Variants in FANK1 observed in about 807,000 individuals in gnomAD.
The protein encoded by FANK1 is fibronectin type 3 and ankyrin repeat domains protein 1.
FANK1 carries 44 observed loss-of-function variants against 45.3 expected under a neutral mutation model. That is an observed-to-expected ratio of 0.97 (90% CI 0.76 to 1.25). The LOEUF is 1.25. Ranked by LOEUF, FANK1 falls within the 50% of genes most tolerant of loss-of-function variation. The pLI is 0.00. For synonymous variants in FANK1, 149 were observed against 152.5 expected (o/e 0.98, Z 0.17); for missense variants, 391 against 424.4 (o/e 0.92, Z 0.69).
At chr10:125,934,996 C>A (rs1164966369) in intron 1 of FANK1, among the ~76,000 whole-genome samples, 1 of 152,036 alleles carries the variant, frequency 6.6e-6, no homozygotes, top group African/African-American at 2.4e-5. Context: ...TGCTGCAGTT[C>A]AGCAGGGTGG....
intron 1 of FANK1, among the ~76,000 whole-genome samples, chr10:125,910,861 C>T (rs185250425): frequency 6.3e-4 from 96 of 152,114 alleles, no homozygotes; most frequent in African/African-American, 2.1e-3. Context: ...AGTGAAACCC[C>T]GTCTCTACTA....
At chr10:125,924,721 C>T (rs1947215367) in intron 1 of FANK1, among the ~76,000 whole-genome samples, 1 of 149,166 alleles carries the variant, frequency 6.7e-6, no homozygotes, top group Non-Finnish European at 1.5e-5. Context: ...AGGTGGGAGG[C>T]TCACTTGAGC....
chr10:125,974,343 G>T (rs1014829401), intron 1 of FANK1, among the ~76,000 whole-genome samples: 8 of 152,286 alleles, frequency 5.3e-5, no homozygotes, highest in African/African-American at 1.9e-4. Context: ...TCTTCAGAGG[G>T]TGCTGGTCAG....
intron 1 of FANK1, among the ~76,000 whole-genome samples, chr10:125,965,259 C>A (rs1950146194): frequency 6.6e-6 from 1 of 152,174 alleles, no homozygotes; most frequent in South Asian, 2.1e-4. Flanking sequence ...GTTTCACTGG[C>A]AATCCTCCTG....
At chr10:125,994,129 T>TG (rs1417374250) in intron 3 of FANK1, among the ~76,000 whole-genome samples, 11 of 110,460 alleles carry the variant, frequency 1.0e-4, no homozygotes, top group Admixed American at 5.2e-4. Context: ...GGAGGGTGGG[T>TG]GAGCCCCAGG....
chr10:125,986,639 A>G (rs1951577224), intron 2 of FANK1, among the ~76,000 whole-genome samples: 1 of 152,064 alleles, frequency 6.6e-6, no homozygotes, highest in South Asian at 2.1e-4. Context: ...TCCCTTTCTC[A>G]GACTGCCTGG....
At chr10:125,929,618 A>T (rs550533852) in intron 1 of FANK1, among the ~76,000 whole-genome samples, 25 of 152,296 alleles carry the variant, frequency 1.6e-4, no homozygotes, top group African/African-American at 5.5e-4. Flanking sequence ...GCCTTTTCAC[A>T]TGTAGCCTGT....
At chr10:125,972,228 G>C (rs1564928454) in intron 1 of FANK1, 1 of 152,190 alleles carries the variant, frequency 6.6e-6, no homozygotes, top group South Asian at 2.1e-4. Flanking sequence ...CCGCATTGCA[G>C]TTCTCCTCAG....
intron 3 of FANK1, 78 bp downstream of exon 3, chr10:125,988,753 C>G: frequency 6.2e-7 from 1 of 1,607,188 alleles, no homozygotes; most frequent in Non-Finnish European, 8.5e-7. Flanking sequence ...AATATTCTGC[C>G]TCTCGTTTGG....
At chr10:125,944,391 A>G (rs1253741937) in intron 1 of FANK1, among the ~76,000 whole-genome samples, 2 of 152,220 alleles carry the variant, frequency 1.3e-5, no homozygotes, top group African/African-American at 2.4e-5. Context: ...CTAGAAATCA[A>G]TTGGGTGATT....
chr10:125,916,857 T>C (rs1946484148), intron 1 of FANK1, among the ~76,000 whole-genome samples: 1 of 152,230 alleles, frequency 6.6e-6, no homozygotes, highest in South Asian at 2.1e-4. Flanking sequence ...CCCTCTTCTC[T>C]GACGCAGGTC....
At position 126,004,896 on chromosome 10, in the gene FANK1, G is replaced by GT. The variant is rs1418772551; in HGVS notation, c.553dup (p.Cys185LeufsTer22). On this transcript the variant is annotated frameshift_variant, in exon 7 of 11. Transcript: ENST00000368693. LOFTEE classifies it high-confidence loss of function. ...CCATATGTTGCAGTCTAATGCTGGCGTGCTATGCGGGACACCTAGATGTTG... is the reference window on the plus strand; with the variant it reads ...CCATATGTTGCAGTCTAATGCTGGCGTTGCTATGCGGGACACCTAGATGTTG... 1 of 1,614,150 alleles carries GT rather than the reference G, an allele frequency of 6.2e-7. No individual in the cohort carries two copies. Among genetic ancestry groups the GT allele is most frequent in the East Asian group, 2.2e-5 (1 of 44,884 alleles).
intron 7 of FANK1, among the ~76,000 whole-genome samples, 190 bp downstream of exon 7, chr10:126,005,239 G>T (rs1290821954): frequency 1.3e-5 from 2 of 151,924 alleles, no homozygotes; most frequent in Non-Finnish European, 2.9e-5. Context: ...TGTCATGGGG[G>T]TTTATCTTGT....
At chr10:125,901,217 A>C (rs1211597351) in intron 1 of FANK1, among the ~76,000 whole-genome samples, 3 of 152,156 alleles carry the variant, frequency 2.0e-5, no homozygotes, top group Admixed American at 2.0e-4. Context: ...CTAGTCTTCC[A>C]AGCCTTCCCA....
rs554564084 is a variant in FANK1, at chr10:125,974,660, T to C, written c.14-5501T>C. Among the ~76,000 whole-genome samples the C allele has an allele frequency of 3.3e-3, 501 of 152,316 alleles. 2 individuals carry two copies. The highest frequency in any genetic ancestry group is 0.012 in the African/African-American group (492 of 41,562). ...TGATTTCTCACCCAACAATACTTAG[T>C]GGAGGTCCTTTCAAAGCACCTAGTA... On this transcript the variant is annotated intron_variant, in intron 1 of 10. Transcript: ENST00000368693.
chr10:125,952,249 A>G (rs1949285583), intron 1 of FANK1, among the ~76,000 whole-genome samples: 1 of 152,102 alleles, frequency 6.6e-6, no homozygotes, highest in Non-Finnish European at 1.5e-5. Context: ...TTTTTTGAGT[A>G]TCTTTCTTGA....
intron 1 of FANK1, among the ~76,000 whole-genome samples, chr10:125,930,517 T>A (rs1342731276): frequency 3.0e-4 from 46 of 151,466 alleles, no homozygotes; most frequent in African/African-American, 7.0e-4. Flanking sequence ...TTTTTTTTTT[T>A]ATTAGACATG....
At chr10:126,004,164 A>T (rs1327922858) in intron 6 of FANK1, 1 of 61,780 alleles carries the variant, frequency 1.6e-5, no homozygotes, top group Non-Finnish European at 4.4e-5. Context: ...TATCCTTAAA[A>T]AAAAAAAAAA....
At chr10:125,910,572 A>G (rs1376040859) in intron 1 of FANK1, among the ~76,000 whole-genome samples, 1 of 152,084 alleles carries the variant, frequency 6.6e-6, no homozygotes, top group Non-Finnish European at 1.5e-5. Context: ...TGCTTTTTTC[A>G]CCTGACATTA....
Sources: allele counts gnomAD v4.1 joint callset (sites outside exome capture counted in the v4.1 genomes callset), GRCh38; gene constraint gnomAD v4.1.1; transcripts MANE v1.5; gene names NCBI Gene and HGNC (gene_info 2026-07-23, HGNC 2026-07-21).